Variants in CDON observed in about 807,000 individuals in gnomAD.
The protein encoded by CDON is cell adhesion molecule-related/down-regulated by oncogenes.
A neutral mutation model predicts 120.9 loss-of-function variants in CDON; 73 were observed. The observed-to-expected ratio is 0.60, with a 90% CI of 0.50 to 0.73. CDON has a LOEUF of 0.73. Ranked by LOEUF, CDON falls within the 30% of genes least tolerant of loss-of-function variation. CDON has a pLI of 0.00. For synonymous variants in CDON, 566 were observed against 573.5 expected (o/e 0.99, Z 0.19); for missense variants, 1,470 against 1,587.3 (o/e 0.93, Z 1.26).
chr11:125,967,158 C>T (rs1945826705), intron 18 of CDON, among the ~76,000 whole-genome samples: 2 of 151,834 alleles, frequency 1.3e-5, no homozygotes, highest in Non-Finnish European at 2.9e-5. Context: ...AGAATACAAA[C>T]ATATGAAGAA....
intron 7 of CDON, among the ~76,000 whole-genome samples, chr11:126,011,801 T>C (rs1314271568): frequency 6.6e-6 from 1 of 152,270 alleles, no homozygotes; most frequent in Non-Finnish European, 1.5e-5. Context: ...TCTTCAATGT[T>C]TTCTTGAAAA....
intron 14 of CDON, among the ~76,000 whole-genome samples, chr11:125,992,286 T>C (rs1190156345): frequency 1.3e-5 from 2 of 152,146 alleles, no homozygotes; most frequent in African/African-American, 4.8e-5. Flanking sequence ...TTAAAAGTAA[T>C]GGCAAAGACC....
chr11:126,048,430 C>T (rs532943811), intron 1 of CDON, among the ~76,000 whole-genome samples: 6 of 152,274 alleles, frequency 3.9e-5, no homozygotes, highest in East Asian at 1.9e-4. Context: ...AAGGAACACT[C>T]GAGCAAAGAG....
intron 1 of CDON, among the ~76,000 whole-genome samples, chr11:126,024,832 A>G (rs1947746876): frequency 1.3e-5 from 2 of 152,232 alleles, no homozygotes; most frequent in Non-Finnish European, 2.9e-5. Context: ...CAACCTTTAG[A>G]GATGGGAAGT....
chr11:125,971,243 T>C (rs595631), intron 18 of CDON, among the ~76,000 whole-genome samples: 9,750 of 151,704 alleles, frequency 0.064, 391 homozygotes, highest in East Asian at 0.13. Flanking sequence ...ATTAGCTGGG[T>C]GTGGTGGCGG....
chr11:126,005,215 C>T (rs1315487), intron 9 of CDON, among the ~76,000 whole-genome samples: 98,568 of 151,618 alleles, frequency 0.65, 32,159 homozygotes, highest in African/African-American at 0.69. Context: ...GGCACGAGAA[C>T]TGCTGGAACC....
rs572486967 is a variant in CDON, at chr11:126,001,821, C to G, written c.2056G>C (p.Ala686Pro). Residue 686 changes from alanine (A) to proline (P), a missense_variant, in exon 11 of 20, where the codon GCA (alanine) becomes CCA (proline). Transcript: ENST00000531738. ...GGGATGCCCACGGGTGGAGAGGATG[C>G]CTGGGTGTTTTTTGATGACGCTGTT... ...EKTASSKNTQ[A>P]SSPPVGIPKY... The G allele has an allele frequency of 1.2e-6, 2 of 1,607,700 alleles. No individual in the cohort carries two copies.
At chr11:125,974,382 AAGGAAGGAAGGGAGGGAGGGAGGGAGGG>A (rs756164709) in intron 18 of CDON, among the ~76,000 whole-genome samples, 6 of 34,630 alleles carry the variant, frequency 1.7e-4, no homozygotes, top group Non-Finnish European at 2.1e-4. Context: ...GGAAGGAAGG[AAGGAAGGAAGGGAGGGAGGGAGGGAGGG>A]AGGGAGGGAG....
chr11:126,051,471 A>G (rs1211630004), intron 1 of CDON, among the ~76,000 whole-genome samples: 2 of 152,112 alleles, frequency 1.3e-5, no homozygotes, highest in Non-Finnish European at 2.9e-5. Flanking sequence ...TCCTATTAAC[A>G]CTACTAAGAT....
At chr11:126,006,352 C>A (rs913464817) in intron 8 of CDON, among the ~76,000 whole-genome samples, 2 of 152,110 alleles carry the variant, frequency 1.3e-5, no homozygotes, top group African/African-American at 4.8e-5. Flanking sequence ...TAGTAATAAT[C>A]ATTTGCCAGT....
At chr11:125,972,935 C>T (rs1226693836) in intron 18 of CDON, among the ~76,000 whole-genome samples, 3 of 150,930 alleles carry the variant, frequency 2.0e-5, no homozygotes, top group Non-Finnish European at 4.4e-5. Flanking sequence ...CTGCAGTGTT[C>T]TCTGCCTCAG....
intron 1 of CDON, among the ~76,000 whole-genome samples, chr11:126,050,407 T>C (rs765263620): frequency 6.6e-6 from 1 of 151,986 alleles, no homozygotes; most frequent in South Asian, 2.1e-4. Flanking sequence ...TTAAAACTTT[T>C]ATATGATATC....
intron 11 of CDON, among the ~76,000 whole-genome samples, chr11:126,000,504 C>A (rs538709314): frequency 6.6e-6 from 1 of 152,194 alleles, no homozygotes; most frequent in Non-Finnish European, 1.5e-5. Context: ...CACTGTGCAC[C>A]ACCATGCTAG....
chr11:126,035,139 G>A (rs975404545), intron 1 of CDON, among the ~76,000 whole-genome samples: 15 of 152,108 alleles, frequency 9.9e-5, no homozygotes, highest in African/African-American at 3.4e-4. Context: ...ACCCTCATGG[G>A]GTTTGGCTTA....
At position 126,021,670 on chromosome 11, in the gene CDON, G is replaced by A. The variant is rs894194764; in HGVS notation, c.77-150C>T. ...GTTATGGTTCTTGATGCTTGTAAAA[G>A]TTCTAGCAAAATTCTTATAAGCCTA... On this transcript the variant is annotated intron_variant, in intron 2 of 19. Coordinates refer to ENST00000531738, the MANE Select transcript of CDON (RefSeq NM_001378964.1). The A allele has an allele frequency of 5.3e-6, 4 of 751,960 alleles. No individual in the cohort carries two copies. The African/African-American group carries it at 7.1e-5, about 13-fold the overall frequency. The allele number at this position is 751,960 out of a possible 1,614,324, so 46.6% of individuals were successfully genotyped here. A position where few individuals can be genotyped will look rare whatever the true frequency, so the allele number is the denominator to read the frequency against.
chr11:125,981,402 GCATGCACA>G (rs1946296691), intron 16 of CDON, 73 bp from the exon 17 acceptor site: 4 of 1,455,482 alleles, frequency 2.7e-6, no homozygotes, highest in African/African-American at 1.4e-5. Flanking sequence ...ACGCACACAC[GCATGCACA>G]CATGCACATA....
In CDON at chr11:125,958,593, TTATA is replaced by T. The variant is rs66953503; in HGVS notation, c.*2345_*2348del. The stretch of plus-strand genomic sequence containing the variant: ...TGTGTGTGTGTGTGTGTGTGTGTGT[TTATA>T]TATATATATTTATATATTTCAATAT... On this transcript the variant is annotated 3_prime_UTR_variant, in exon 20 of 20. Coordinates refer to ENST00000531738, the MANE Select transcript of CDON (RefSeq NM_001378964.1). 19 of 103,148 alleles carry T rather than the reference TTATA, an allele frequency of 1.8e-4. No homozygotes were observed. Among genetic ancestry groups the T allele is most frequent in the South Asian group, 5.7e-4 (2 of 3,480 alleles). The allele number at this position is 103,148 out of a possible 1,614,324, so 6.4% of individuals were successfully genotyped here.
In CDON at chr11:125,981,349, AAGAC is replaced by A; in HGVS notation, c.2996-24_2996-21del. On this transcript the variant is annotated intron_variant, in intron 16 of 19. Coordinates refer to ENST00000531738, the MANE Select transcript of CDON (RefSeq NM_001378964.1). ...CATATTCTGTTAAAAGAGAACAAAA[AAGAC>A]ACACACGCACACACACACACGCACG... The A allele has an allele frequency of 6.2e-7, 1 of 1,607,066 alleles. No homozygotes were observed. Among genetic ancestry groups the A allele is most frequent in the Non-Finnish European group, 8.5e-7 (1 of 1,179,532 alleles).
intron 15 of CDON, among the ~76,000 whole-genome samples, chr11:125,984,677 A>C (rs1285775063): frequency 1.4e-5 from 2 of 146,646 alleles, no homozygotes; most frequent in Non-Finnish European, 3.0e-5. Context: ...AACCTGGAAG[A>C]CAGAGTGAGA....
Sources: gnomAD v4.1 joint callset for allele counts (sites outside exome capture counted in the v4.1 genomes callset) on GRCh38, gnomAD v4.1.1 for gene constraint, MANE v1.5 for transcripts, NCBI Gene and HGNC (gene_info 2026-07-23, HGNC 2026-07-21) for gene names.